Variants in PGBD1 observed in about 807,000 individuals in gnomAD.
PGBD1 encodes the protein piggyBac transposable element derived 1.
PGBD1 carries 25 observed loss-of-function variants against 34.7 expected under a neutral mutation model. That is an observed-to-expected ratio of 0.72 (90% CI 0.52 to 1.00). The LOEUF is 1.00. PGBD1 is among the 50% of genes least tolerant of loss of function. The pLI is 0.00. For synonymous variants in PGBD1, 292 were observed against 335.7 expected (o/e 0.87, Z 1.42); for missense variants, 830 against 959.4 (o/e 0.87, Z 1.78).
chr6:28,289,905 T>C (rs1356729398), intron 4 of PGBD1, among the ~76,000 whole-genome samples: 3 of 152,238 alleles, frequency 2.0e-5, no homozygotes, highest in Non-Finnish European at 4.4e-5. Flanking sequence ...TTCTGTGTGT[T>C]TCTGCCTTTG....
Position 28,301,673 on chromosome 6 carries a change from G to A in PGBD1, c.1819G>A (p.Val607Met). ...TGATCTTGGGTTAGGTGGAAATCTA[G>A]TGATGAACTTCGCTGATGTTCTTTT... ...DPDLGLGGNL[V>M]MNFADVLLER... is the part of the protein sequence containing the mutation. The change falls in exon 7 of 7, where the codon GTG becomes ATG. Residue 607 changes from valine to methionine, a missense_variant. Val to Met is a conservative substitution (Grantham distance 21). Around this residue, in one of 3 missense-constraint regions of PGBD1, gnomAD observed 372 missense variants for 427.9 expected, o/e 0.87. Transcript: ENST00000682144. 1 of 1,614,152 alleles carries A rather than the reference G, an allele frequency of 6.2e-7. No homozygotes were observed.
intron 1 of PGBD1, among the ~76,000 whole-genome samples, chr6:28,282,886 GAA>G (rs1213646118): frequency 3.9e-5 from 6 of 152,298 alleles, no homozygotes; most frequent in African/African-American, 1.4e-4. Context: ...AGGAAAAAAT[GAA>G]AAGAGGGAAT....
intron 4 of PGBD1, among the ~76,000 whole-genome samples, chr6:28,291,989 A>G (rs1762471524): frequency 6.6e-6 from 1 of 152,196 alleles, no homozygotes; most frequent in South Asian, 2.1e-4. Flanking sequence ...AGCTAACATC[A>G]AACTGAAGGC....
Position 28,300,975 on chromosome 6 carries a change from A to G in PGBD1, c.1121A>G (p.Gln374Arg). ...GAAAAAGATAATGAGCCTGAGATCCAGCCTGCTCAAAAGAAGTTAAAGGTA... is the reference window on the plus strand; with the variant it reads ...GAAAAAGATAATGAGCCTGAGATCCGGCCTGCTCAAAAGAAGTTAAAGGTA... ...DVEKDNEPEI[Q>R]PAQKKLKVSC... The change falls in exon 7 of 7, where the codon CAG (glutamine) becomes CGG (arginine). Residue 374 changes from glutamine to arginine, a missense_variant. Gln to Arg is a conservative substitution (Grantham distance 43). Around this residue, in one of 3 missense-constraint regions of PGBD1, gnomAD observed 457 missense variants for 515.4 expected, o/e 0.89. Coordinates refer to ENST00000682144, the MANE Select transcript of PGBD1 (RefSeq NM_032507.4). This position sits in a 1 kb window ranked among gnomAD's most constrained non-coding sequence, Gnocchi z 4.0. 6.2e-7 allele frequency: 1 copy of G among 1,614,200 alleles called. No individual in the cohort carries two copies. The highest frequency in any genetic ancestry group is 1.3e-5 in the African/African-American group (1 of 75,054).
chr6:28,287,756 A>G (rs563753474), intron 4 of PGBD1, among the ~76,000 whole-genome samples: 3 of 152,076 alleles, frequency 2.0e-5, no homozygotes. Flanking sequence ...CAGTTTCCTC[A>G]AGACACTTGC....
At chr6:28,290,816 G>A (rs1337058075) in intron 4 of PGBD1, among the ~76,000 whole-genome samples, 32 of 152,130 alleles carry the variant, frequency 2.1e-4, no homozygotes, top group Admixed American at 1.8e-3. Context: ...CTACACAAAC[G>A]CGTGGAAATT....
At position 28,302,392 on chromosome 6, in the gene PGBD1, TTAAA is replaced by T. The variant is rs1337321164; in HGVS notation, c.*112_*115del. ...AAATCTGATATATGTAATGAAGTTA[TTAAA>T]TAATACTTTTAAAAATCAGACATTT... On this transcript the variant is annotated 3_prime_UTR_variant, in exon 7 of 7. Coordinates refer to ENST00000682144, the MANE Select transcript of PGBD1 (RefSeq NM_032507.4). The T allele has an allele frequency of 8.9e-7, 1 of 1,118,010 alleles. No individual in the cohort carries two copies. The highest frequency in any genetic ancestry group is 1.2e-6 in the Non-Finnish European group (1 of 806,180). The allele number at this position is 1,118,010 out of a possible 1,614,324, so 69.3% of individuals were successfully genotyped here.
chr6:28,295,750 AG>A (rs555772060), intron 4 of PGBD1, among the ~76,000 whole-genome samples: 5 of 152,238 alleles, frequency 3.3e-5, no homozygotes, highest in Non-Finnish European at 5.9e-5. Context: ...TCGGAAGCCA[AG>A]AAATTTCTGT....
intron 4 of PGBD1, among the ~76,000 whole-genome samples, chr6:28,290,763 G>A (rs1438575133): frequency 6.6e-6 from 1 of 152,052 alleles, no homozygotes; most frequent in Non-Finnish European, 1.5e-5. Flanking sequence ...TCTAATCACA[G>A]TGGAATAAAA....
At chr6:28,298,185 A>G (rs969450797) in intron 6 of PGBD1, among the ~76,000 whole-genome samples, 194 bp downstream of exon 6, 3 of 152,134 alleles carry the variant, frequency 2.0e-5, no homozygotes, top group African/African-American at 7.2e-5. Flanking sequence ...TAAATATACA[A>G]AACCTTCAGT....
At chr6:28,287,679 C>G (rs1311300366) in intron 4 of PGBD1, among the ~76,000 whole-genome samples, 3 of 151,768 alleles carry the variant, frequency 2.0e-5, no homozygotes, top group Non-Finnish European at 4.4e-5. Context: ...ATTCATTTTC[C>G]TAGTCATTTA....
rs746098466 is a variant in PGBD1 at position 28,301,800 on chromosome 6, C to A, written c.1946C>A (p.Thr649Lys). The part of the protein sequence containing the change: ...LKKKGVRATG[T>K]IRENRTEKCP... ...AAGAAGGGGGTGAGGGCAACAGGAACAATTCGTGAGAACAGGACCGAAAAA... is the reference window on the plus strand; with the variant it reads ...AAGAAGGGGGTGAGGGCAACAGGAAAAATTCGTGAGAACAGGACCGAAAAA... The change falls in exon 7 of 7, where the codon ACA becomes AAA. Residue 649 changes from threonine (T) to lysine (K), a missense_variant. Coordinates refer to ENST00000682144, the MANE Select transcript of PGBD1 (RefSeq NM_032507.4). The A allele has an allele frequency of 1.2e-6, 2 of 1,614,006 alleles. No individual in the cohort carries two copies. Among genetic ancestry groups the A allele is most frequent in the East Asian group, 2.2e-5 (1 of 44,866 alleles).
chr6:28,300,808 C>G lies in PGBD1; in HGVS notation c.954C>G (p.His318Gln). Reference sequence around the variant, plus strand: ...ATTTGAACACTCTGAAGGACCGTCACCCAGGTGATTTGTGGGCCCGCATGC... The same window carrying G: ...ATTTGAACACTCTGAAGGACCGTCAGCCAGGTGATTTGTGGGCCCGCATGC... Reference protein sequence around the residue: ...VAHLNTLKDRHPGDLWARMHI... With the variant: ...VAHLNTLKDRQPGDLWARMHI... The change falls in exon 7 of 7, where the codon CAC becomes CAG. Residue 318 changes from histidine (H) to glutamine (Q), a missense_variant. His to Gln is a conservative substitution (Grantham distance 24, BLOSUM62 0). Transcript: ENST00000682144. This position sits in a 1 kb window ranked among gnomAD's most constrained non-coding sequence, Gnocchi z 4.0. 1 of 1,614,106 alleles carries G rather than the reference C, an allele frequency of 6.2e-7. No homozygotes were observed. The highest frequency in any genetic ancestry group is 1.7e-5 in the Admixed American group (1 of 60,004).
In PGBD1 at chr6:28,301,835, A is replaced by C. The variant is rs531746928; in HGVS notation, c.1981A>C (p.Met661Leu). 1.5e-5 allele frequency: 24 copies of C among 1,614,208 alleles called. No homozygotes were observed. The South Asian group carries it at 2.6e-4, about 18-fold the overall frequency. Residue 661 changes from methionine to leucine, a missense_variant, in exon 7 of 7, where the codon ATG (methionine) becomes CTG (leucine). Met to Leu is a conservative substitution (Grantham distance 15). Transcript: ENST00000682144. ...RENRTEKCPL[M>L]NVEHMKKMKR... The stretch of plus-strand genomic sequence containing the variant: ...GAACAGGACCGAAAAATGTCCCCTT[A>C]TGAATGTAGAACATATGAAAAAAAT...
chr6:28,281,678 C>G lies in PGBD1; in HGVS notation c.-279C>G, dbSNP rs1026738874. 5.7e-6 allele frequency: 2 copies of G among 350,566 alleles called. No homozygotes were observed. Among genetic ancestry groups the G allele is most frequent in the Non-Finnish European group, 1.0e-5 (2 of 196,380 alleles). 21.7% of individuals were successfully genotyped at this position (350,566 alleles called of 1,614,324 possible). A position where few individuals can be genotyped will look rare whatever the true frequency, so the allele number is the denominator to read the frequency against. On this transcript the variant is annotated 5_prime_UTR_variant, in exon 1 of 7. Transcript: ENST00000682144. ...CTCCCGACAGGGGAGCACCGGGCCTCTGAGCTCCCTCGGGAGCCTTTCACG... is the reference window on the plus strand; with the variant it reads ...CTCCCGACAGGGGAGCACCGGGCCTGTGAGCTCCCTCGGGAGCCTTTCACG...
At chr6:28,298,811 A>G (rs1356193298) in intron 6 of PGBD1, among the ~76,000 whole-genome samples, 8 of 152,094 alleles carry the variant, frequency 5.3e-5, no homozygotes, top group Admixed American at 5.2e-4. Context: ...AATGCCCAAC[A>G]TTCCGAGGCT....
intron 2 of PGBD1, 99 bp from the exon 3 acceptor site, chr6:28,285,452 C>T: frequency 8.6e-6 from 11 of 1,274,304 alleles, no homozygotes; most frequent in Middle Eastern, 2.3e-4. Flanking sequence ...TCTTTTCTGC[C>T]TTGTTTGCTG....
At chr6:28,297,730 G>T (rs1448214616) in intron 5 of PGBD1, among the ~76,000 whole-genome samples, 165 bp from the exon 6 acceptor site, 1 of 146,086 alleles carries the variant, frequency 6.8e-6, no homozygotes, top group African/African-American at 2.5e-5. Context: ...GCCACATTTT[G>T]TAGGATTGCT....
chr6:28,300,690 G>T lies in PGBD1; in HGVS notation c.870-34G>T. 2 of 1,570,840 alleles carry T rather than the reference G, an allele frequency of 1.3e-6. No homozygotes were observed. The highest frequency in any genetic ancestry group is 2.4e-5 in the South Asian group (2 of 83,524). On this transcript the variant is annotated intron_variant, in intron 6 of 6. Coordinates refer to ENST00000682144, the MANE Select transcript of PGBD1 (RefSeq NM_032507.4). The surrounding 1 kb of genome is among the most constrained non-coding windows in gnomAD (Gnocchi z 4.0). ...TCATGTGTGAGAGAATATGATTGAG[G>T]ATTTTTATAACATGTTCTTTTTTTC...
Sources: gnomAD v4.1 joint callset for allele counts (sites outside exome capture counted in the v4.1 genomes callset) on GRCh38, gnomAD v4.1.1 for gene constraint, gnomAD v4.1.1 regional missense constraint, Gnocchi (gnomAD v3.1) non-coding constraint, MANE v1.5 for transcripts, NCBI Gene and HGNC (gene_info 2026-07-23, HGNC 2026-07-21) for gene names.